The following ANKRD30A variants were observed in gnomAD, a reference collection of about 807,000 sequenced individuals.
The protein encoded by ANKRD30A is ankyrin repeat domain-containing protein 30A.
A neutral mutation model predicts 166.3 loss-of-function variants in ANKRD30A; 170 were observed. The ratio of observed to expected loss-of-function variants is 1.02; its 90% CI spans 0.90 to 1.16. The LOEUF (loss-of-function observed/expected upper bound fraction) is 1.16, where lower values mean the gene tolerates loss of function less well. ANKRD30A is among the 50% of genes most tolerant of loss of function. The probability of loss-of-function intolerance (pLI) is 0.00; values close to 1 mark genes in which losing one functional copy is unlikely to be tolerated. For missense variants in ANKRD30A, 1,630 were observed against 1,518.0 expected, an observed-to-expected ratio of 1.07 and a Z score of -1.23; for synonymous variants, 564 against 508.9, an observed-to-expected ratio of 1.11 and a Z score of -1.46.
At chr10:37,196,461 A>T (rs773562535) in intron 27 of ANKRD30A, among the ~76,000 whole-genome samples, 4 of 152,226 alleles carry the variant, frequency 2.6e-5, no homozygotes, top group Non-Finnish European at 4.4e-5. Flanking sequence ...ATTCCATAAA[A>T]ATTTATTATA....
Position 37,162,644 on chromosome 10 carries a change from T to C in ANKRD30A, c.1901-5T>C. ...GATTGATGATAAATCTCTTTTGCTTTTTAGAGCCTCCGGGGAAGCCATCTG... is the reference window on the plus strand; with the variant it reads ...GATTGATGATAAATCTCTTTTGCTTCTTAGAGCCTCCGGGGAAGCCATCTG... On this transcript the variant is annotated splice_region_variant and splice_polypyrimidine_tract_variant and intron_variant, in intron 15 of 35. Coordinates refer to ENST00000361713, the MANE Select transcript of ANKRD30A (RefSeq NM_052997.3). The C allele has an allele frequency of 5.0e-6, 8 of 1,612,132 alleles. No individual in the cohort carries two copies. Among genetic ancestry groups the C allele is most frequent in the Non-Finnish European group, 5.9e-6 (7 of 1,179,750 alleles).
chr10:37,265,212 A>AT, the ANKRD30A span, among the ~76,000 whole-genome samples: 1 of 152,054 alleles, frequency 6.6e-6, no homozygotes, highest in Non-Finnish European at 1.5e-5. Context: ...AGTGCATGAG[A>AT]TTCAGCCATC....
At chr10:37,146,513 C>A (rs1011230613) in intron 8 of ANKRD30A, among the ~76,000 whole-genome samples, 2 of 152,040 alleles carry the variant, frequency 1.3e-5, no homozygotes, top group African/African-American at 4.8e-5. Flanking sequence ...ACCCCTGACC[C>A]GGGGACAGAT....
chr10:37,157,285 G>A (rs1471809213), intron 13 of ANKRD30A, among the ~76,000 whole-genome samples: 3 of 152,172 alleles, frequency 2.0e-5, no homozygotes, highest in South Asian at 2.1e-4. Flanking sequence ...CACTAAAACT[G>A]TTATTTTGAA....
intron 13 of ANKRD30A, among the ~76,000 whole-genome samples, chr10:37,154,659 T>C (rs1240132588): frequency 6.6e-6 from 1 of 151,952 alleles, no homozygotes; most frequent in Non-Finnish European, 1.5e-5. Flanking sequence ...AGAGCACAAG[T>C]CTAGAGATTA....
chr10:37,198,171 TA>T (rs1404137685), intron 29 of ANKRD30A, among the ~76,000 whole-genome samples: 1 of 152,134 alleles, frequency 6.6e-6, no homozygotes, highest in Non-Finnish European at 1.5e-5. Flanking sequence ...AACTGTTTTT[TA>T]AAACTATTCT....
At chr10:37,197,558 T>C in intron 29 of ANKRD30A, 78 bp downstream of exon 29, 4 of 1,596,312 alleles carry the variant, frequency 2.5e-6, no homozygotes, top group African/African-American at 2.7e-5. Context: ...TCCCCAATGC[T>C]TTATTTTTTT....
At chr10:37,258,057 A>C in the ANKRD30A span, among the ~76,000 whole-genome samples, 1 of 152,302 alleles carries the variant, frequency 6.6e-6, no homozygotes, top group African/African-American at 2.4e-5. Flanking sequence ...AGGTGCAGCA[A>C]ATCATCATGG....
chr10:37,152,811 A>G (rs1470684605), intron 12 of ANKRD30A, among the ~76,000 whole-genome samples: 1 of 152,138 alleles, frequency 6.6e-6, no homozygotes, highest in Non-Finnish European at 1.5e-5. Context: ...GTGGAAAGAC[A>G]TGGGAAGTAT....
At position 37,130,375 on chromosome 10, in the gene ANKRD30A, C is replaced by T; in HGVS notation, c.507C>T (p.Asn169=). 1 of 1,491,648 alleles carries T rather than the reference C, an allele frequency of 6.7e-7. No homozygotes were observed. The highest frequency in any genetic ancestry group is 9.0e-7 in the Non-Finnish European group (1 of 1,117,096). 92.4% of individuals were successfully genotyped at this position (1,491,648 alleles called of 1,614,324 possible). The change falls in exon 3 of 36, where the codon AAC becomes AAT. Residue 169 remains asparagine (N), a synonymous_variant. Transcript: ENST00000361713. The part of the protein sequence containing the change: ...LSHGAVIEVH[N]KASLTPLLLS... ...ATGGTGCAGTCATCGAAGTGCACAA[C>T]AAGGTAGACACTAACCAATGTTATT...
intron 31 of ANKRD30A, among the ~76,000 whole-genome samples, chr10:37,201,987 G>C (rs1841654429): frequency 6.6e-6 from 1 of 152,068 alleles, no homozygotes; most frequent in Non-Finnish European, 1.5e-5. Flanking sequence ...TTCACACTGT[G>C]ATTCAGCTGA....
intron 1 of ANKRD30A, among the ~76,000 whole-genome samples, chr10:37,128,295 TTAA>T (rs1416241275): frequency 2.6e-5 from 4 of 152,216 alleles, no homozygotes; most frequent in East Asian, 1.9e-4. Context: ...AAGTTTATTG[TTAA>T]TAAAATAATT....
chr10:37,141,566 C>G (rs932573500), intron 6 of ANKRD30A, 152 bp from the exon 7 acceptor site: 3 of 1,036,420 alleles, frequency 2.9e-6, no homozygotes, highest in African/African-American at 4.1e-5. Flanking sequence ...GAGTGAGACT[C>G]TGTCTCAAAA....
the ANKRD30A span, among the ~76,000 whole-genome samples, chr10:37,256,627 T>C: frequency 6.6e-6 from 1 of 152,236 alleles, no homozygotes; most frequent in Non-Finnish European, 1.5e-5. Context: ...ATTTTAAGGC[T>C]ATAATCTATG....
At chr10:37,204,379 A>C (rs1841846933) in intron 31 of ANKRD30A, among the ~76,000 whole-genome samples, 2 of 152,184 alleles carry the variant, frequency 1.3e-5, no homozygotes, top group African/African-American at 4.8e-5. Flanking sequence ...AGGATTCCCT[A>C]TTTAATAAAT....
At chr10:37,162,103 A>G (rs904840398) in intron 15 of ANKRD30A, among the ~76,000 whole-genome samples, 4 of 152,178 alleles carry the variant, frequency 2.6e-5, no homozygotes, top group African/African-American at 9.7e-5. Flanking sequence ...AAAGTAGAGG[A>G]TACAGAAATA....
intron 25 of ANKRD30A, among the ~76,000 whole-genome samples, chr10:37,192,760 T>G (rs1268486716): frequency 1.3e-5 from 2 of 152,092 alleles, no homozygotes; most frequent in Non-Finnish European, 2.9e-5. Flanking sequence ...TCTTTCCTTA[T>G]ACGGCCGCTT....
At chr10:37,263,291 G>T in the ANKRD30A span, among the ~76,000 whole-genome samples, 1 of 151,920 alleles carries the variant, frequency 6.6e-6, no homozygotes, top group Admixed American at 6.6e-5. Flanking sequence ...CCAGAGACTG[G>T]TTTCATGGAA....
rs758034846 is a variant in ANKRD30A at position 37,219,247 on chromosome 10, A to G, written c.3535A>G (p.Thr1179Ala). 1 of 1,610,732 alleles carries G rather than the reference A, an allele frequency of 6.2e-7. No homozygotes were observed. The highest frequency in any genetic ancestry group is 1.1e-5 in the South Asian group (1 of 91,004). Residue 1179 changes from threonine to alanine, a missense_variant, in exon 34 of 36, where the codon ACT (threonine) becomes GCT (alanine). Thr to Ala is a moderately conservative substitution (Grantham distance 58). Coordinates refer to ENST00000361713, the MANE Select transcript of ANKRD30A (RefSeq NM_052997.3). ...KVLIAENTML[T>A]SKLKEKQDKE... ...TCTGATAGCTGAGAACACAATGCTC[A>G]CTTCTAAATTGAAGGAAAAACAAGA...
Sources: gnomAD v4.1 joint callset for allele counts (sites outside exome capture counted in the v4.1 genomes callset) on GRCh38, gnomAD v4.1.1 for gene constraint, MANE v1.5 for transcripts, NCBI Gene and HGNC (gene_info 2026-07-23, HGNC 2026-07-21) for gene names.